The following MEIS2 variants were observed in gnomAD, a reference collection of about 807,000 sequenced individuals.
MEIS2 encodes the protein Meis homeobox 2.
MEIS2 carries 9 observed loss-of-function variants against 58.6 expected under a neutral mutation model. That is an observed-to-expected ratio of 0.15 (90% confidence interval 0.09 to 0.27). The LOEUF is 0.27. MEIS2 is among the 10% of genes least tolerant of loss of function. The pLI, the probability that MEIS2 is intolerant of heterozygous loss-of-function variation, is 1.00. For synonymous variants in MEIS2, 221 were observed against 228.4 expected, an observed-to-expected ratio of 0.97 and a Z score of 0.29; for missense variants, 427 against 635.0, an observed-to-expected ratio of 0.67 and a Z score of 3.52.
At chr15:36,923,231 G>A (rs2057594311) in intron 9 of MEIS2, among the ~76,000 whole-genome samples, 1 of 152,152 alleles carries the variant, frequency 6.6e-6, no homozygotes, top group Admixed American at 6.5e-5. Context: ...AGGAAGCAAT[G>A]CAAGTATAGC....
At chr15:36,901,559 T>C (rs2056474065) in intron 9 of MEIS2, among the ~76,000 whole-genome samples, 1 of 152,174 alleles carries the variant, frequency 6.6e-6, no homozygotes, top group South Asian at 2.1e-4. Flanking sequence ...GATTCATATG[T>C]TACTTAGGGA....
intron 8 of MEIS2, chr15:37,036,355 G>GA (rs1228412877): frequency 6.7e-6 from 1 of 149,854 alleles, no homozygotes; most frequent in Admixed American, 6.7e-5. Flanking sequence ...AGCTGCACCT[G>GA]ATATTGTGAG....
At chr15:36,900,739 A>G (rs575879602) in intron 9 of MEIS2, among the ~76,000 whole-genome samples, 1 of 152,352 alleles carries the variant, frequency 6.6e-6, no homozygotes, top group South Asian at 2.1e-4. Flanking sequence ...ACTTTTCTAC[A>G]ACTGAACTCT....
chr15:36,995,568 C>T (rs74244603), intron 8 of MEIS2, among the ~76,000 whole-genome samples: 16,720 of 148,584 alleles, frequency 0.11, 1,602 homozygotes, highest in Admixed American at 0.33. Context: ...AACCTTTTAC[C>T]TGGATTAATG....
intron 9 of MEIS2, among the ~76,000 whole-genome samples, chr15:36,908,575 G>T (rs1003603701): frequency 6.6e-6 from 1 of 152,066 alleles, no homozygotes; most frequent in African/African-American, 2.4e-5. Context: ...TCCTAAGGTG[G>T]TTTAACTTAA....
In MEIS2 at chr15:37,083,764, C is replaced by A; in HGVS notation, c.754+7G>T. ...ACTTTGCACGAGGAAAATGTTTGACCTTTTACCTTGCTCACTGCTGTTGTC... is the reference window on the plus strand; with the variant it reads ...ACTTTGCACGAGGAAAATGTTTGACATTTTACCTTGCTCACTGCTGTTGTC... On this transcript the variant is annotated splice_region_variant and intron_variant, in intron 7 of 11. Transcript: ENST00000561208. 6.2e-7 allele frequency: 1 copy of A among 1,610,952 alleles called. No individual in the cohort carries two copies. The highest frequency in any genetic ancestry group is 8.5e-7 in the Non-Finnish European group (1 of 1,178,406).
chr15:37,035,778 C>T (rs987515968), intron 8 of MEIS2, among the ~76,000 whole-genome samples: 2 of 152,190 alleles, frequency 1.3e-5, no homozygotes, highest in Non-Finnish European at 2.9e-5. Flanking sequence ...TGTAGCTCTG[C>T]AAGAAGAGCC....
intron 7 of MEIS2, among the ~76,000 whole-genome samples, chr15:37,052,691 T>G (rs1057202590): frequency 1.3e-5 from 2 of 152,222 alleles, no homozygotes; most frequent in Middle Eastern, 3.2e-3. Context: ...CATTCCATTC[T>G]CTTTTTCCTT....
Position 36,891,715 on chromosome 15 carries a change from C to G in MEIS2, c.*458G>C, listed in dbSNP as rs1036693542. On this transcript the variant is annotated 3_prime_UTR_variant, in exon 12 of 12. Transcript: ENST00000561208. ...ATGATCTCCAGTGTGGTTCTTTTCTCATTGGCCCAACAGGTTTAAAATATA... is the reference window on the plus strand; with the variant it reads ...ATGATCTCCAGTGTGGTTCTTTTCTGATTGGCCCAACAGGTTTAAAATATA... 6.2e-6 allele frequency: 1 copy of G among 161,590 alleles called. No homozygotes were observed. The allele number at this position is 161,590 out of a possible 1,614,324, so 10.0% of individuals were successfully genotyped here.
At chr15:37,031,421 A>ATGTGTG (rs60605081) in intron 8 of MEIS2, among the ~76,000 whole-genome samples, 22,318 of 146,550 alleles carry the variant, frequency 0.15, 1,644 homozygotes, top group South Asian at 0.2. Flanking sequence ...TCCCTTGCAT[A>ATGTGTG]TGTGTGTGTG....
At chr15:37,064,051 T>C (rs1051120496) in intron 7 of MEIS2, among the ~76,000 whole-genome samples, 2 of 152,170 alleles carry the variant, frequency 1.3e-5, no homozygotes, top group Non-Finnish European at 2.9e-5. Flanking sequence ...AGTAATGATA[T>C]GCGAAGACAG....
intron 8 of MEIS2, among the ~76,000 whole-genome samples, chr15:36,966,885 G>T (rs1247407054): frequency 2.2e-5 from 1 of 45,536 alleles, no homozygotes; most frequent in Admixed American, 2.7e-4. Flanking sequence ...GTCAGAGCCA[G>T]CTAGGAAGGC....
chr15:36,895,105 G>C, intron 11 of MEIS2, 46 bp downstream of exon 11: 1 of 1,490,266 alleles, frequency 6.7e-7, no homozygotes, highest in Non-Finnish European at 9.3e-7. Flanking sequence ...TGGTGGAGCA[G>C]GTGGCACTTC....
intron 6 of MEIS2, among the ~76,000 whole-genome samples, chr15:37,085,244 G>T (rs750577863): frequency 4.6e-5 from 7 of 151,992 alleles, no homozygotes; most frequent in Non-Finnish European, 7.4e-5. Flanking sequence ...TGGTAAATAA[G>T]AATTCAGACA....
intron 7 of MEIS2, among the ~76,000 whole-genome samples, chr15:37,038,630 G>A (rs565673471): frequency 2.1e-4 from 32 of 152,282 alleles, no homozygotes; most frequent in Non-Finnish European, 3.7e-4. Flanking sequence ...GCATGACCCC[G>A]AAGTTGCTGT....
chr15:36,951,821 A>G (rs2058757732), intron 8 of MEIS2, among the ~76,000 whole-genome samples: 2 of 152,176 alleles, frequency 1.3e-5, no homozygotes, highest in Admixed American at 6.5e-5. Context: ...AAAGCTGTGT[A>G]ATTACAGAAG....
chr15:37,095,637 T>C (rs1894134031), intron 3 of MEIS2, 23 bp from the exon 4 acceptor site: 5 of 1,614,112 alleles, frequency 3.1e-6, no homozygotes, highest in African/African-American at 1.3e-5. Flanking sequence ...GAGAGTCAAC[T>C]TGAACGATCA....
chr15:36,990,815 G>GA (rs150054113), intron 8 of MEIS2, among the ~76,000 whole-genome samples: 59 of 146,212 alleles, frequency 4.0e-4, no homozygotes, highest in African/African-American at 7.0e-4. Context: ...GGCTTTTCAG[G>GA]AAAAAAAAAA....
At chr15:37,087,346 T>C (rs1893008615) in intron 6 of MEIS2, among the ~76,000 whole-genome samples, 1 of 152,074 alleles carries the variant, frequency 6.6e-6, no homozygotes, top group Non-Finnish European at 1.5e-5. Context: ...GAATACTGAG[T>C]GGAGCACAAT....
Sources: gnomAD v4.1 joint callset for allele counts (sites outside exome capture counted in the v4.1 genomes callset) on GRCh38, gnomAD v4.1.1 for gene constraint, MANE v1.5 for transcripts, NCBI Gene and HGNC (gene_info 2026-07-23, HGNC 2026-07-21) for gene names.